Variants in GON4L observed in about 807,000 individuals in gnomAD.
GON4L encodes the protein GON-4-like protein.
GON4L carries 87 observed loss-of-function variants against 211.8 expected under a neutral mutation model. That is an observed-to-expected ratio of 0.41 (90% confidence interval 0.35 to 0.49). The LOEUF (loss-of-function observed/expected upper bound fraction) is 0.49. Among genes scored for constraint, GON4L ranks in the 20% least tolerant of loss-of-function variants. The pLI is 0.15. For missense variants in GON4L, 2,155 were observed against 2,659.5 expected, an observed-to-expected ratio of 0.81 and a Z score of 4.17; for synonymous variants, 875 against 962.6, an observed-to-expected ratio of 0.91 and a Z score of 1.68.
intron 19 of GON4L, 57 bp from the exon 20 acceptor site, chr1:155,767,598 T>A: frequency 1.4e-6 from 2 of 1,451,930 alleles, no homozygotes; most frequent in Non-Finnish European, 1.9e-6. Context: ...CTGTCCCCTG[T>A]CAGGCTGGTG....
At chr1:155,757,418 C>T (rs1661307507) in intron 25 of GON4L, 95 bp from the exon 26 acceptor site, 5 of 1,127,152 alleles carry the variant, frequency 4.4e-6, no homozygotes, top group Non-Finnish European at 6.4e-6. Context: ...TCTGCTTTCC[C>T]AGTCAACTGG....
intron 14 of GON4L, among the ~76,000 whole-genome samples, chr1:155,783,780 C>G (rs146315973): frequency 6.6e-6 from 1 of 152,286 alleles, no homozygotes; most frequent in East Asian, 1.9e-4. Flanking sequence ...TTCTCCCTTC[C>G]CAAACGGATA....
intron 20 of GON4L, 79 bp downstream of exon 20, chr1:155,767,346 A>T (rs1662619415): frequency 6.2e-7 from 1 of 1,613,840 alleles, no homozygotes; most frequent in Admixed American, 1.7e-5. Flanking sequence ...GCATTAGACG[A>T]TTAAGGAAGC....
intron 3 of GON4L, among the ~76,000 whole-genome samples, chr1:155,826,382 T>A (rs977117502): frequency 6.6e-6 from 1 of 151,872 alleles, no homozygotes; most frequent in South Asian, 2.1e-4. Context: ...CTGGCCAACA[T>A]AGCAAAACCC....
At chr1:155,817,783 A>C (rs1303153300) in intron 6 of GON4L, among the ~76,000 whole-genome samples, 1 of 152,150 alleles carries the variant, frequency 6.6e-6, no homozygotes, top group Non-Finnish European at 1.5e-5. Flanking sequence ...AATTAGCTGG[A>C]CATGGTGGCA....
chr1:155,779,018 G>A (rs951215145), intron 14 of GON4L, among the ~76,000 whole-genome samples: 18 of 151,930 alleles, frequency 1.2e-4, no homozygotes, highest in Non-Finnish European at 1.5e-5. Context: ...TGTAATCCCA[G>A]CACTTTGGGA....
intron 27 of GON4L, among the ~76,000 whole-genome samples, chr1:155,755,758 C>G (rs1661104597): frequency 6.6e-6 from 1 of 152,140 alleles, no homozygotes; most frequent in South Asian, 2.1e-4. Context: ...TCTCCCATCT[C>G]TTCCAATCCC....
chr1:155,760,116 T>C (rs949247684), intron 24 of GON4L, among the ~76,000 whole-genome samples: 9 of 151,740 alleles, frequency 5.9e-5, no homozygotes, highest in Non-Finnish European at 1.0e-4. Flanking sequence ...TTGCTAGGAA[T>C]TCCTGACAGT....
chr1:155,773,111 G>A lies in GON4L; in HGVS notation c.2450C>T (p.Ala817Val), dbSNP rs1225255957. 12 of 1,613,022 alleles carry A rather than the reference G, an allele frequency of 7.4e-6. No individual in the cohort carries two copies. Among genetic ancestry groups the A allele is most frequent in the Non-Finnish European group, 9.3e-6 (11 of 1,179,936 alleles). The change falls in exon 18 of 32, where the codon GCA becomes GTA. Residue 817 changes from alanine (A) to valine (V), a missense_variant. This residue lies in a region of GON4L where 551 missense variants were observed against 854.0 expected (regional missense o/e 0.65). Coordinates refer to ENST00000368331, the MANE Select transcript of GON4L (RefSeq NM_001282860.2). The part of the protein sequence containing the change: ...PELLPVCSLK[A>V]KNPQDKIVFT... ...GACGATCTTATCCTGGGGATTCTTT[G>A]CCTTCAGGGAACACACTGGAAGTAA...
chr1:155,816,773 TAA>T (rs34370558), intron 6 of GON4L, among the ~76,000 whole-genome samples: 2 of 78,084 alleles, frequency 2.6e-5, no homozygotes, highest in African/African-American at 9.6e-5. Flanking sequence ...TTTTTTTTCT[TAA>T]AAAAAAAAAA....
chr1:155,754,757 T>C (rs1660996932), intron 27 of GON4L, among the ~76,000 whole-genome samples: 1 of 151,784 alleles, frequency 6.6e-6, no homozygotes, highest in Non-Finnish European at 1.5e-5. Flanking sequence ...CTCGAACTCC[T>C]GACCTCTTGA....
chr1:155,857,221 T>C (rs544782341), upstream of GON4L: 2 of 152,672 alleles, frequency 1.3e-5, no homozygotes, highest in South Asian at 2.1e-4. Context: ...CAACAGCGAA[T>C]TGCGTGCGCG....
chr1:155,823,003 C>A (rs1668870839), intron 3 of GON4L, among the ~76,000 whole-genome samples: 1 of 152,158 alleles, frequency 6.6e-6, no homozygotes. Flanking sequence ...CCATGTTGGT[C>A]AGGCTGGTAT....
At chr1:155,826,566 CAAA>C (rs58848983) in intron 3 of GON4L, among the ~76,000 whole-genome samples, 6 of 63,786 alleles carry the variant, frequency 9.4e-5, no homozygotes, top group Admixed American at 1.5e-4. Flanking sequence ...AACTCCGTCT[CAAA>C]AAAAAAAAAA....
In GON4L at chr1:155,752,345, T is replaced by C; in HGVS notation, c.6088A>G (p.Met2030Val). The change falls in exon 30 of 32, where the codon ATG becomes GTG. Residue 2030 changes from methionine (M) to valine (V), a missense_variant. Physicochemically the swap from Met to Val is conservative, Grantham distance 21. This residue lies in a region of GON4L where 186 missense variants were observed against 308.1 expected (regional missense o/e 0.60). Transcript: ENST00000368331. ...QKAVSESEAL[M>V]LVWDASETEK... ...GTTTCTGATGCATCCCAGACCAGCA[T>C]CAAAGCCTCTGACTCACTCACTGCC... The C allele has an allele frequency of 6.2e-7, 1 of 1,601,546 alleles. No homozygotes were observed. Among genetic ancestry groups the C allele is most frequent in the Non-Finnish European group, 8.5e-7 (1 of 1,170,556 alleles).
intron 11 of GON4L, among the ~76,000 whole-genome samples, chr1:155,798,948 A>G (rs1313902815): frequency 2.0e-5 from 3 of 152,126 alleles, no homozygotes; most frequent in Non-Finnish European, 4.4e-5. Flanking sequence ...CTTAGCTTTT[A>G]GTACCCTGAT....
chr1:155,851,843 T>C (rs1457373715), intron 2 of GON4L, among the ~76,000 whole-genome samples: 1 of 151,678 alleles, frequency 6.6e-6, no homozygotes, highest in Non-Finnish European at 1.5e-5. Flanking sequence ...AACAAAACCT[T>C]TCACAACCTT....
chr1:155,752,726 T>C (rs571544192), intron 29 of GON4L, 136 bp from the exon 30 acceptor site: 176 of 1,364,258 alleles, frequency 1.3e-4, no homozygotes, highest in East Asian at 1.2e-3. Flanking sequence ...ACACCTATAA[T>C]GTCCGCACTT....
At chr1:155,778,968 A>G (rs1341698756) in intron 14 of GON4L, among the ~76,000 whole-genome samples, 1 of 152,086 alleles carries the variant, frequency 6.6e-6, no homozygotes, top group Non-Finnish European at 1.5e-5. Context: ...TCCTTGAAAT[A>G]TGATAACCTG....
Sources: gnomAD v4.1 joint callset for allele counts (sites outside exome capture counted in the v4.1 genomes callset) on GRCh38, gnomAD v4.1.1 for gene constraint, gnomAD v4.1.1 regional missense constraint, MANE v1.5 for transcripts, NCBI Gene and HGNC (gene_info 2026-07-23, HGNC 2026-07-21) for gene names.